SORCS2: variants seen among roughly 807,000 people sequenced by gnomAD.
The protein encoded by SORCS2 is sortilin related VPS10 domain containing receptor 2.
A neutral mutation model predicts 141.6 loss-of-function variants in SORCS2; 100 were observed. That is an observed-to-expected ratio of 0.71 (90% CI 0.60 to 0.83). SORCS2 has a LOEUF of 0.83. Ranked by LOEUF, SORCS2 falls within the 40% of genes least tolerant of loss-of-function variation. The probability of loss-of-function intolerance (pLI) is 0.00; values close to 1 mark genes in which losing one functional copy is unlikely to be tolerated. For missense variants in SORCS2, 1,646 were observed against 1,560.2 expected, an observed-to-expected ratio of 1.05 and a Z score of -0.93; for synonymous variants, 789 against 676.9, an observed-to-expected ratio of 1.17 and a Z score of -2.57.
chr4:7,434,001 G>A, intron 2 of SORCS2: 30 of 1,613,258 alleles, frequency 1.9e-5, no homozygotes, highest in Non-Finnish European at 2.5e-5. Context: ...ACACCTCACA[G>A]GTCACACCGG....
intron 4 of SORCS2, among the ~76,000 whole-genome samples, chr4:7,650,569 A>G (rs974120334): frequency 5.3e-5 from 8 of 152,166 alleles, no homozygotes; most frequent in Non-Finnish European, 1.2e-4. Context: ...CCCTAGACTC[A>G]CAGACGCTCC....
chr4:7,533,336 G>A (rs902011542), intron 3 of SORCS2, among the ~76,000 whole-genome samples: 21 of 152,332 alleles, frequency 1.4e-4, no homozygotes, highest in African/African-American at 5.1e-4. Context: ...TGGGGTTGCT[G>A]TGATTCAAAT....
chr4:7,695,576 ATGGATGGATTGG>A (rs1560490077), intron 11 of SORCS2, among the ~76,000 whole-genome samples: 2 of 25,426 alleles, frequency 7.9e-5, no homozygotes, highest in Non-Finnish European at 8.0e-5. Flanking sequence ...GGATGGATGG[ATGGATGGATTGG>A]TGGGTGGGTG....
intron 3 of SORCS2, among the ~76,000 whole-genome samples, chr4:7,543,031 G>A (rs1269765678): frequency 1.3e-5 from 2 of 152,224 alleles, no homozygotes; most frequent in South Asian, 2.1e-4. Flanking sequence ...TGGACAAGGA[G>A]GGCTGGGCTG....
chr4:7,733,641 C>T (rs1446724823), intron 24 of SORCS2, among the ~76,000 whole-genome samples: 2 of 152,210 alleles, frequency 1.3e-5, no homozygotes, highest in Non-Finnish European at 2.9e-5. Flanking sequence ...ACCCACGCTT[C>T]GGGTCTCGGA....
At chr4:7,328,708 T>C (rs760459630) in intron 1 of SORCS2, among the ~76,000 whole-genome samples, 2 of 152,004 alleles carry the variant, frequency 1.3e-5, no homozygotes, top group Non-Finnish European at 2.9e-5. Context: ...GACAGATGCT[T>C]CCCTGCTCCT....
intron 2 of SORCS2, among the ~76,000 whole-genome samples, chr4:7,518,334 C>T (rs899140395): frequency 7.9e-5 from 12 of 152,240 alleles, no homozygotes; most frequent in African/African-American, 1.9e-4. Flanking sequence ...TGTAACTTGG[C>T]GGCTCACACG....
intron 2 of SORCS2, among the ~76,000 whole-genome samples, chr4:7,437,502 G>T (rs375499544): frequency 6.6e-5 from 10 of 152,104 alleles, no homozygotes; most frequent in Middle Eastern, 3.2e-3. Context: ...AGGCCAGGGG[G>T]TGGGGCTGGA....
Position 7,193,117 on chromosome 4 carries a change from G to A in SORCS2, c.471G>A (p.Glu157=). ...AGGCGATGGTGCACTGGACGGGCGA[G>A]AACAGCAGCGTAAGTGACCTCCACG... ...HNQAMVHWTG[E]NSSVILILTK... is the part of the protein sequence containing the mutation. The change falls in exon 1 of 27, where the codon GAG becomes GAA. Residue 157 remains glutamate, a synonymous_variant. Coordinates refer to ENST00000507866, the MANE Select transcript of SORCS2 (RefSeq NM_020777.3). This position sits in a 1 kb window ranked among gnomAD's most constrained non-coding sequence, Gnocchi z 4.8. 2 of 1,541,890 alleles carry A rather than the reference G, an allele frequency of 1.3e-6. No individual in the cohort carries two copies. The highest frequency in any genetic ancestry group is 1.7e-6 in the Non-Finnish European group (2 of 1,153,718).
At chr4:7,703,883 C>T (rs945123132) in intron 13 of SORCS2, among the ~76,000 whole-genome samples, 5 of 152,234 alleles carry the variant, frequency 3.3e-5, no homozygotes, top group Non-Finnish European at 7.3e-5. Context: ...GGCCCTACCA[C>T]GGGCCTGGCA....
At chr4:7,491,748 C>T (rs4301119) in intron 2 of SORCS2, among the ~76,000 whole-genome samples, 90,595 of 151,996 alleles carry the variant, frequency 0.6, 27,791 homozygotes, top group East Asian at 0.9. Flanking sequence ...ACCCACCCCC[C>T]GTTAAGGCAG....
At chr4:7,348,696 G>A (rs1282209117) in intron 1 of SORCS2, among the ~76,000 whole-genome samples, 1 of 152,042 alleles carries the variant, frequency 6.6e-6, no homozygotes, top group Non-Finnish European at 1.5e-5. Context: ...GGTTTACAGG[G>A]GCGCACCACC....
intron 1 of SORCS2, among the ~76,000 whole-genome samples, chr4:7,364,125 C>T (rs993806668): frequency 1.3e-5 from 2 of 152,004 alleles, no homozygotes; most frequent in African/African-American, 2.4e-5. Flanking sequence ...TCACCACCAC[C>T]ACCACCACAT....
intron 2 of SORCS2, among the ~76,000 whole-genome samples, chr4:7,496,925 G>A (rs1204708618): frequency 6.6e-6 from 1 of 152,212 alleles, no homozygotes; most frequent in East Asian, 1.9e-4. Context: ...CAGCAACCCA[G>A]TGCCCGTGCA....
chr4:7,237,894 T>C (rs4689093), intron 1 of SORCS2, among the ~76,000 whole-genome samples: 43,727 of 151,728 alleles, frequency 0.29, 6,641 homozygotes, highest in East Asian at 0.48. Context: ...ATGATCCATC[T>C]GAAATGTGTG....
chr4:7,719,515 G>A (rs1352380445), intron 18 of SORCS2, among the ~76,000 whole-genome samples: 1 of 152,226 alleles, frequency 6.6e-6, no homozygotes, highest in African/African-American at 2.4e-5. Context: ...CAGAGACTGA[G>A]TCTGGGGCCC....
intron 4 of SORCS2, among the ~76,000 whole-genome samples, chr4:7,639,493 T>G (rs1720497708): frequency 7.1e-6 from 1 of 140,846 alleles, no homozygotes; most frequent in Non-Finnish European, 1.6e-5. Flanking sequence ...TGAATGTGTG[T>G]GGGGGTGGGT....
At chr4:7,362,383 A>G (rs1721631525) in intron 1 of SORCS2, among the ~76,000 whole-genome samples, 2 of 152,102 alleles carry the variant, frequency 1.3e-5, no homozygotes, top group South Asian at 2.1e-4. Context: ...AATTTTATCT[A>G]CCTAGTGGAG....
Position 7,401,360 on chromosome 4 carries a change from CAGAT to C in SORCS2, c.548+5006_548+5009del, listed in dbSNP as rs1368356047. The stretch of plus-strand genomic sequence containing the variant: ...ATGGGTGGATGGACTGATGGATGGA[CAGAT>C]GGATGGGTGGATGGAAGAAAGGATG... On this transcript the variant is annotated intron_variant, in intron 2 of 26. Coordinates refer to ENST00000507866, the MANE Select transcript of SORCS2 (RefSeq NM_020777.3). 4.6e-5 allele frequency among the ~76,000 whole-genome samples: 7 copies of C among 151,528 alleles called. No individual in the cohort carries two copies. In the East Asian group the frequency reaches 1.4e-3, roughly 30 times the overall value.
Sources: allele counts gnomAD v4.1 joint callset (sites outside exome capture counted in the v4.1 genomes callset), GRCh38; gene constraint gnomAD v4.1.1; non-coding constraint Gnocchi (gnomAD v3.1); transcripts MANE v1.5; gene names NCBI Gene and HGNC (gene_info 2026-07-23, HGNC 2026-07-21).